The following ATXN8OS variants were observed in gnomAD, a reference collection of about 807,000 sequenced individuals.
ATXN8OS encodes ATXN8 opposite strand lncRNA.
chr13:70,131,476 T>C (rs1888532715), intron 3 of ATXN8OS: 6 of 398,524 alleles, frequency 1.5e-5, no homozygotes, highest in East Asian at 3.6e-5. Context: ...TTACCTTTTC[T>C]CCAGTCTCAT....
At chr13:70,155,496 A>G (rs538353025) in intron 4 of ATXN8OS, among the ~76,000 whole-genome samples, 13 of 152,292 alleles carry the variant, frequency 8.5e-5, no homozygotes, top group Non-Finnish European at 1.6e-4. Context: ...CTAGTATTCC[A>G]GTGTCTCTCG....
intron 2 of ATXN8OS, among the ~76,000 whole-genome samples, chr13:70,126,840 G>T (rs966147249): frequency 1.3e-5 from 2 of 151,004 alleles, no homozygotes; most frequent in African/African-American, 4.9e-5. Flanking sequence ...CTGTATATCC[G>T]TATCTATATA....
intron 4 of ATXN8OS, among the ~76,000 whole-genome samples, chr13:70,166,272 A>G (rs1889074098): frequency 6.6e-6 from 1 of 152,110 alleles, no homozygotes; most frequent in Non-Finnish European, 1.5e-5. Flanking sequence ...GCTATACTAC[A>G]AGGCTACAGT....
chr13:70,132,599 C>T (rs945426009), intron 3 of ATXN8OS, among the ~76,000 whole-genome samples: 2 of 151,802 alleles, frequency 1.3e-5, no homozygotes, highest in Non-Finnish European at 2.9e-5. Context: ...GCACATGTAC[C>T]CCCAAATCTA....
chr13:70,126,033 T>A (rs1888428995), intron 2 of ATXN8OS, among the ~76,000 whole-genome samples: 1 of 152,134 alleles, frequency 6.6e-6, no homozygotes. Context: ...GCAATTGCCA[T>A]CCTGACTATT....
chr13:70,142,999 G>GGT (rs1204518150), intron 3 of ATXN8OS, among the ~76,000 whole-genome samples: 3 of 151,826 alleles, frequency 2.0e-5, no homozygotes, highest in African/African-American at 7.3e-5. Flanking sequence ...CTTGAACCCG[G>GGT]GAGGCAGAGG....
intron 4 of ATXN8OS, among the ~76,000 whole-genome samples, chr13:70,160,475 G>A (rs1299363014): frequency 6.6e-6 from 1 of 151,698 alleles, no homozygotes; most frequent in Non-Finnish European, 1.5e-5. Flanking sequence ...TCGGCATGAA[G>A]TTAGCATATT....
Position 70,150,229 on chromosome 13 carries a change from G to T in ATXN8OS, n.573+2801G>T, listed in dbSNP as rs559716636. 5.4e-4 allele frequency among the ~76,000 whole-genome samples: 82 copies of T among 152,160 alleles called. No individual in the cohort carries two copies. The Middle Eastern group carries it at 0.01, about 19-fold the overall frequency. On this transcript the variant is annotated intron_variant and non_coding_transcript_variant, in intron 4 of 4. Coordinates refer to ENST00000678624, the Ensembl canonical transcript of ATXN8OS. The stretch of plus-strand genomic sequence containing the variant: ...ATGAGTGAGGAAGTGACAGAGAAGG[G>T]CTAAGACTACCATGATAATGGATGG...
chr13:70,133,704 G>A (rs531016860), intron 3 of ATXN8OS, among the ~76,000 whole-genome samples: 14 of 152,258 alleles, frequency 9.2e-5, no homozygotes, highest in Admixed American at 2.0e-4. Flanking sequence ...ACTGGAGTTG[G>A]GCTGCTACAG....
intron 3 of ATXN8OS, among the ~76,000 whole-genome samples, chr13:70,140,599 A>T (rs1417456288): frequency 6.6e-6 from 1 of 151,918 alleles, no homozygotes; most frequent in East Asian, 1.9e-4. Flanking sequence ...GTTCATAGCT[A>T]TGATAACACT....
At chr13:70,153,602 C>T (rs1888900179) in intron 4 of ATXN8OS, among the ~76,000 whole-genome samples, 1 of 152,092 alleles carries the variant, frequency 6.6e-6, no homozygotes, top group African/African-American at 2.4e-5. Context: ...ATAAACAATT[C>T]TTATTCAAAA....
Position 70,169,671 on chromosome 13 carries a change from C to G in ATXN8OS, n.574-82C>G, listed in dbSNP as rs138476403. 6.3e-3 allele frequency among the ~76,000 whole-genome samples: 959 copies of G among 152,160 alleles called. 11 individuals carry two copies. Among genetic ancestry groups the G allele is most frequent in the Non-Finnish European group, 0.012 (827 of 67,970 alleles). ...TTAAAGCTCTCTTTGAGGGGCAACA[C>G]ATCCATCCCTCTCCTAATAAAGATA... On this transcript the variant is annotated intron_variant and non_coding_transcript_variant, in intron 4 of 4. Transcript: ENST00000678624.
chr13:70,125,319 T>G (rs1314790807), intron 2 of ATXN8OS, among the ~76,000 whole-genome samples: 1 of 152,178 alleles, frequency 6.6e-6, no homozygotes, highest in East Asian at 1.9e-4. Context: ...ACCCAACTAC[T>G]TGTCAATATA....
chr13:70,171,352 G>C (rs891598131), exon 5 of ATXN8OS, among the ~76,000 whole-genome samples: 1 of 152,040 alleles, frequency 6.6e-6, no homozygotes, highest in African/African-American at 2.4e-5. Context: ...GAAACTTTAG[G>C]CTAAACTTAA....
At chr13:70,112,047 G>A (rs9572372) in intron 1 of ATXN8OS, among the ~76,000 whole-genome samples, 34,112 of 152,086 alleles carry the variant, frequency 0.22, 4,029 homozygotes, top group Admixed American at 0.29. Context: ...TGGGGAGGAG[G>A]CCTGAGGAAA....
intron 2 of ATXN8OS, among the ~76,000 whole-genome samples, chr13:70,126,418 G>T (rs1227698451): frequency 1.3e-5 from 2 of 152,084 alleles, no homozygotes; most frequent in Non-Finnish European, 2.9e-5. Flanking sequence ...CTGACTGATA[G>T]ATTCAATACA....
Position 70,139,294 on chromosome 13 carries a change from GCCCTATT to G in ATXN8OS, n.500-8057_500-8051del, listed in dbSNP as rs1888662200. The G allele has an allele frequency of 1.1e-5, 6 of 528,832 alleles. No individual in the cohort carries two copies. The South Asian group carries it at 2.0e-4, about 18-fold the overall frequency. 32.8% of individuals were successfully genotyped at this position (528,832 alleles called of 1,614,324 possible). ...GGAGAGATTAACTCTGTTGGCTGAAGCCCTATTCCCAATTCCTTGGCTAGACCCTGGG... is the reference window on the plus strand; with the variant it reads ...GGAGAGATTAACTCTGTTGGCTGAAGCCCAATTCCTTGGCTAGACCCTGGG... On this transcript the variant is annotated intron_variant and non_coding_transcript_variant, in intron 3 of 4. Coordinates refer to ENST00000678624, the Ensembl canonical transcript of ATXN8OS.
chr13:70,124,348 G>A (rs1311050738), intron 2 of ATXN8OS, among the ~76,000 whole-genome samples: 1 of 152,058 alleles, frequency 6.6e-6, no homozygotes, highest in Non-Finnish European at 1.5e-5. Context: ...ATGTCACGAG[G>A]TTGTGTGCAG....
intron 3 of ATXN8OS, among the ~76,000 whole-genome samples, chr13:70,138,046 C>T (rs1396037841): frequency 4.6e-5 from 7 of 152,208 alleles, no homozygotes; most frequent in Non-Finnish European, 1.0e-4. Flanking sequence ...ACGAGAACAA[C>T]ATGGCGGAAA....
Sources: gnomAD v4.1 joint callset for allele counts (sites outside exome capture counted in the v4.1 genomes callset) on GRCh38, gnomAD v4.1.1 for gene constraint, MANE v1.5 for transcripts, NCBI Gene and HGNC (gene_info 2026-07-23, HGNC 2026-07-21) for gene names.